The following TMEM131 variants were observed in gnomAD, a reference collection of about 807,000 sequenced individuals.
The protein encoded by TMEM131 is 2610524E03Rik.
TMEM131 carries 66 observed loss-of-function variants against 211.6 expected under a neutral mutation model. The ratio of observed to expected loss-of-function variants is 0.31; its 90% CI spans 0.26 to 0.38. The LOEUF (loss-of-function observed/expected upper bound fraction) is 0.38, where lower values mean the gene tolerates loss of function less well. TMEM131 is among the 10% of genes least tolerant of loss of function. TMEM131 has a pLI of 1.00. For synonymous variants in TMEM131, 844 were observed against 841.3 expected, an observed-to-expected ratio of 1.00 and a Z score of -0.06; for missense variants, 2,036 against 2,299.3, an observed-to-expected ratio of 0.89 and a Z score of 2.34.
intron 1 of TMEM131, among the ~76,000 whole-genome samples, chr2:97,991,453 A>G (rs1257571315): frequency 6.6e-6 from 1 of 152,224 alleles, no homozygotes; most frequent in Non-Finnish European, 1.5e-5. Context: ...TGAAGGGTCA[A>G]AACTGAATCC....
intron 1 of TMEM131, among the ~76,000 whole-genome samples, chr2:97,955,692 T>C (rs1381465277): frequency 6.6e-6 from 1 of 152,054 alleles, no homozygotes; most frequent in Non-Finnish European, 1.5e-5. Flanking sequence ...CAAGACACTA[T>C]ATACTAACAA....
intron 5 of TMEM131, among the ~76,000 whole-genome samples, chr2:97,853,255 T>G (rs2105149978): frequency 6.6e-6 from 1 of 152,066 alleles, no homozygotes; most frequent in South Asian, 2.1e-4. Context: ...CTGGGCAAAG[T>G]CCATTGAAAA....
chr2:97,960,349 C>T lies in TMEM131; in HGVS notation c.188-32862G>A, dbSNP rs571337639. On this transcript the variant is annotated intron_variant, in intron 1 of 40. Coordinates refer to ENST00000186436, the MANE Select transcript of TMEM131 (RefSeq NM_015348.2). ...TGGTAATGTCATTTTTATTTCCATCCACCTTCTTCATGTTTAAGTATCACT... is the reference window on the plus strand; with the variant it reads ...TGGTAATGTCATTTTTATTTCCATCTACCTTCTTCATGTTTAAGTATCACT... 4.5e-4 allele frequency among the ~76,000 whole-genome samples: 68 copies of T among 152,026 alleles called. 1 individual carries two copies. Among genetic ancestry groups the T allele is most frequent in the Admixed American group, 4.5e-3 (68 of 15,270 alleles).
chr2:97,826,048 C>T lies in TMEM131; in HGVS notation c.1074+7317G>A, dbSNP rs1464357310. ...ATGGGGAACCAATCGAGCATGACTG[C>T]TGACAAATTATAGTCCAGATTTATG... On this transcript the variant is annotated intron_variant, in intron 11 of 40. Coordinates refer to ENST00000186436, the MANE Select transcript of TMEM131 (RefSeq NM_015348.2). 2.6e-5 allele frequency among the ~76,000 whole-genome samples: 4 copies of T among 152,344 alleles called. No individual in the cohort carries two copies. In the East Asian group the frequency reaches 7.7e-4, roughly 29 times the overall value.
chr2:97,765,541 A>G (rs936925134), intron 35 of TMEM131, among the ~76,000 whole-genome samples: 5 of 152,116 alleles, frequency 3.3e-5, no homozygotes, highest in Admixed American at 3.3e-4. Flanking sequence ...CCCCTATTTC[A>G]GGTCAAGTGT....
rs891820409 is a variant in TMEM131 at position 97,995,725 on chromosome 2, C to T, written c.-63G>A. ...GCGGCCCTTCTCGGCGAGGCGGCGGCGGCGCGGAAGCCGTGGTCCGGGCTC... is the reference window on the plus strand; with the variant it reads ...GCGGCCCTTCTCGGCGAGGCGGCGGTGGCGCGGAAGCCGTGGTCCGGGCTC... On this transcript the variant is annotated 5_prime_UTR_variant, in exon 1 of 41. Coordinates refer to ENST00000186436, the MANE Select transcript of TMEM131 (RefSeq NM_015348.2). 20 of 1,134,502 alleles carry T rather than the reference C, an allele frequency of 1.8e-5. No individual in the cohort carries two copies. The highest frequency in any genetic ancestry group is 2.2e-5 in the Non-Finnish European group (20 of 919,070). 70.3% of individuals were successfully genotyped at this position (1,134,502 alleles called of 1,614,324 possible).
At chr2:97,828,955 G>A (rs1054004952) in intron 11 of TMEM131, among the ~76,000 whole-genome samples, 1 of 152,196 alleles carries the variant, frequency 6.6e-6, no homozygotes, top group South Asian at 2.1e-4. Flanking sequence ...TCAAGCTACA[G>A]ATGGTCTTAC....
chr2:97,780,236 G>A (rs1017256596), intron 31 of TMEM131, among the ~76,000 whole-genome samples: 1 of 152,108 alleles, frequency 6.6e-6, no homozygotes, highest in African/African-American at 2.4e-5. Flanking sequence ...ACAGAATTGG[G>A]GGAATTCTGA....
chr2:97,938,345 A>G (rs568972551), intron 1 of TMEM131, among the ~76,000 whole-genome samples: 21 of 152,222 alleles, frequency 1.4e-4, no homozygotes, highest in Non-Finnish European at 2.9e-4. Context: ...TCTGCCAAGC[A>G]AATGGAAATC....
intron 1 of TMEM131, among the ~76,000 whole-genome samples, chr2:97,935,932 A>G (rs1384594801): frequency 6.6e-6 from 1 of 152,212 alleles, no homozygotes; most frequent in Non-Finnish European, 1.5e-5. Context: ...TGACAGCACT[A>G]TAACCAACAG....
intron 4 of TMEM131, among the ~76,000 whole-genome samples, chr2:97,883,492 C>A (rs1430927323): frequency 6.6e-6 from 1 of 152,148 alleles, no homozygotes; most frequent in Non-Finnish European, 1.5e-5. Flanking sequence ...TATGAGAAAT[C>A]CCATTTATTT....
intron 1 of TMEM131, among the ~76,000 whole-genome samples, chr2:97,970,955 T>C (rs954593299): frequency 6.6e-6 from 1 of 152,212 alleles, no homozygotes; most frequent in Non-Finnish European, 1.5e-5. Context: ...GTTTTTAATG[T>C]AGCCTATGGT....
At position 97,834,605 on chromosome 2, in the gene TMEM131, T is replaced by C. The variant is rs758837653; in HGVS notation, c.1012+16A>G. 8 of 1,516,686 alleles carry C rather than the reference T, an allele frequency of 5.3e-6. No homozygotes were observed. The African/African-American group carries it at 9.9e-5, about 19-fold the overall frequency. 94.0% of individuals were successfully genotyped at this position (1,516,686 alleles called of 1,614,324 possible). On this transcript the variant is annotated intron_variant, in intron 10 of 40. Coordinates refer to ENST00000186436, the MANE Select transcript of TMEM131 (RefSeq NM_015348.2). ...AAAAAAAACTCCATAAAGACTCTTT[T>C]AAAAGATTTTTTTACCTTGTGTTCT...
At chr2:97,881,242 C>CT (rs10713748) in intron 4 of TMEM131, among the ~76,000 whole-genome samples, 141 of 144,776 alleles carry the variant, frequency 9.7e-4, no homozygotes, top group South Asian at 3.3e-3. Flanking sequence ...TCTTGCGACT[C>CT]TTTTTTTTTT....
At chr2:97,959,101 C>T (rs1008377947) in intron 1 of TMEM131, among the ~76,000 whole-genome samples, 3 of 152,104 alleles carry the variant, frequency 2.0e-5, no homozygotes, top group African/African-American at 7.2e-5. Flanking sequence ...AGACAGGTTT[C>T]TGAGTGGCAG....
intron 13 of TMEM131, 91 bp from the exon 14 acceptor site, chr2:97,814,479 T>TACA: frequency 8.1e-7 from 1 of 1,227,596 alleles, no homozygotes; most frequent in Non-Finnish European, 1.1e-6. Context: ...AGTAATAATT[T>TACA]ACATTTAGCA....
chr2:97,953,832 A>AGTTC (rs1278037581), intron 1 of TMEM131, among the ~76,000 whole-genome samples: 1 of 152,228 alleles, frequency 6.6e-6, no homozygotes, highest in African/African-American at 2.4e-5. Context: ...GTGAACCTTA[A>AGTTC]GTTCATATGA....
At chr2:97,803,362 C>T (rs11897301) in intron 22 of TMEM131, among the ~76,000 whole-genome samples, 52,566 of 151,978 alleles carry the variant, frequency 0.35, 10,004 homozygotes, top group Middle Eastern at 0.49. Context: ...CAGTTGACAA[C>T]AGAGGTAAAA....
intron 4 of TMEM131, among the ~76,000 whole-genome samples, chr2:97,859,766 T>C (rs1018631531): frequency 2.6e-5 from 4 of 152,168 alleles, no homozygotes; most frequent in Non-Finnish European, 5.9e-5. Flanking sequence ...ACCAATTGTG[T>C]CCTCTTCTCA....
Sources: gnomAD v4.1 joint callset for allele counts (sites outside exome capture counted in the v4.1 genomes callset) on GRCh38, gnomAD v4.1.1 for gene constraint, MANE v1.5 for transcripts, NCBI Gene and HGNC (gene_info 2026-07-23, HGNC 2026-07-21) for gene names.